CDC20B: variants seen among roughly 807,000 people sequenced by gnomAD.
The protein encoded by CDC20B is cell division cycle 20B, also known as cell division cycle protein 20 homolog B.
A neutral mutation model predicts 64.1 loss-of-function variants in CDC20B; 58 were observed. The observed-to-expected ratio is 0.90, with a 90% CI of 0.73 to 1.13. The LOEUF is 1.13. Among genes scored for constraint, CDC20B ranks in the 50% most tolerant of loss-of-function variants. CDC20B has a pLI of 0.00. For missense variants in CDC20B, 597 were observed against 633.0 expected, an observed-to-expected ratio of 0.94 and a Z score of 0.61; for synonymous variants, 243 against 230.6, an observed-to-expected ratio of 1.05 and a Z score of -0.49.
At chr5:55,140,643 G>C (rs1743304845) in intron 4 of CDC20B, among the ~76,000 whole-genome samples, 1 of 152,168 alleles carries the variant, frequency 6.6e-6, no homozygotes, top group Non-Finnish European at 1.5e-5. Context: ...CAACTCCATA[G>C]AGCAGGTATT....
chr5:55,169,239 G>A (rs190716557), intron 2 of CDC20B, among the ~76,000 whole-genome samples: 29 of 152,288 alleles, frequency 1.9e-4, no homozygotes, highest in East Asian at 1.4e-3. Flanking sequence ...AGTAAAATGC[G>A]TAAGAATCAA....
At chr5:55,117,271 C>T (rs1284640398) in intron 11 of CDC20B, among the ~76,000 whole-genome samples, 1 of 152,072 alleles carries the variant, frequency 6.6e-6, no homozygotes, top group Non-Finnish European at 1.5e-5. Context: ...CAAAAAAAAT[C>T]ATGACTATGG....
intron 2 of CDC20B, chr5:55,166,409 C>T (rs554269617): frequency 4.6e-5 from 7 of 152,320 alleles, no homozygotes; most frequent in African/African-American, 1.7e-4. Flanking sequence ...GGATTTTCTC[C>T]CCTTGCCCTT....
chr5:55,117,199 T>C (rs955622807), intron 11 of CDC20B, among the ~76,000 whole-genome samples: 8 of 152,146 alleles, frequency 5.3e-5, no homozygotes, highest in Non-Finnish European at 1.0e-4. Flanking sequence ...GTGGGAATAA[T>C]CATAAGTTAC....
chr5:55,128,307 T>A, intron 7 of CDC20B, 114 bp downstream of exon 7: 7 of 621,992 alleles, frequency 1.1e-5, no homozygotes, highest in African/African-American at 2.0e-5. Flanking sequence ...TTATTCCCCA[T>A]ACTTCAAGAG....
intron 2 of CDC20B, chr5:55,160,142 G>A: frequency 7.1e-7 from 1 of 1,404,296 alleles, no homozygotes; most frequent in Non-Finnish European, 1.0e-6. Context: ...TCAAGTTTCA[G>A]CTCCTCCTTG....
intron 5 of CDC20B, among the ~76,000 whole-genome samples, chr5:55,138,452 G>A (rs1743243354): frequency 1.3e-5 from 2 of 152,020 alleles, no homozygotes; most frequent in East Asian, 1.9e-4. Context: ...GACCCACCGC[G>A]CCTATACTAA....
At chr5:55,159,296 C>T (rs1034394033) in intron 2 of CDC20B, among the ~76,000 whole-genome samples, 29 of 152,300 alleles carry the variant, frequency 1.9e-4, no homozygotes, top group African/African-American at 7.0e-4. Flanking sequence ...GGATTACAGG[C>T]GTGAGCCACC....
At chr5:55,163,962 A>T in intron 2 of CDC20B, 2 of 962,632 alleles carry the variant, frequency 2.1e-6, no homozygotes, top group Non-Finnish European at 1.5e-6. Flanking sequence ...AGAACTTGAT[A>T]CTAAAGTTAT....
At chr5:55,115,961 G>C (rs936306772) in intron 11 of CDC20B, among the ~76,000 whole-genome samples, 4 of 152,074 alleles carry the variant, frequency 2.6e-5, no homozygotes, top group Non-Finnish European at 5.9e-5. Context: ...ATTGGCCCTG[G>C]GTGTGTTGGG....
At chr5:55,129,420 T>C (rs1742973753) in intron 6 of CDC20B, among the ~76,000 whole-genome samples, 1 of 152,144 alleles carries the variant, frequency 6.6e-6, no homozygotes, top group Non-Finnish European at 1.5e-5. Flanking sequence ...TTTCACACCT[T>C]TGCCCTGAGG....
chr5:55,160,354 T>C, intron 2 of CDC20B: 1 of 1,613,442 alleles, frequency 6.2e-7, no homozygotes, highest in African/African-American at 1.3e-5. Flanking sequence ...AAGTGAAGGA[T>C]GCAAAAGGAA....
rs754021604 is a variant in CDC20B, at chr5:55,146,665, C to T, written c.318G>A (p.Val106=). 1 of 1,614,140 alleles carries T rather than the reference C, an allele frequency of 6.2e-7. No individual in the cohort carries two copies. Among genetic ancestry groups the T allele is most frequent in the Non-Finnish European group, 8.5e-7 (1 of 1,180,028 alleles). The stretch of plus-strand genomic sequence containing the variant: ...TCTCTTTCTCAGGCGGTGTCTTCAG[C>T]ACTGATCCGGAAGCTTCTGGGAGGT... The part of the protein sequence containing the change: ...TTYLPEASGS[V]LKTPPEKETL... The change falls in exon 3 of 12, where the codon GTG becomes GTA. Residue 106 remains valine (V), a synonymous_variant. Coordinates refer to ENST00000381375, the MANE Select transcript of CDC20B (RefSeq NM_001170402.1).
intron 2 of CDC20B, chr5:55,160,227 C>T: frequency 1.2e-6 from 2 of 1,614,094 alleles, no homozygotes; most frequent in African/African-American, 1.3e-5. Context: ...CTAAAATGTT[C>T]CGGGCCCAGA....
rs1004235776 is a variant in CDC20B at position 55,120,026 on chromosome 5, C to T, written c.1342-108G>A. 3.9e-6 allele frequency: 3 copies of T among 778,274 alleles called. No individual in the cohort carries two copies. The African/African-American group carries it at 5.1e-5, about 13-fold the overall frequency. 48.2% of individuals were successfully genotyped at this position (778,274 alleles called of 1,614,324 possible). ...ACTGTCCATGACCCAACCTCCAGTACAGCTGGGGTAGGATGTTAAAGAAAT... is the reference window on the plus strand; with the variant it reads ...ACTGTCCATGACCCAACCTCCAGTATAGCTGGGGTAGGATGTTAAAGAAAT... On this transcript the variant is annotated intron_variant, in intron 10 of 11. Coordinates refer to ENST00000381375, the MANE Select transcript of CDC20B (RefSeq NM_001170402.1).
chr5:55,153,954 C>G (rs555467013), intron 2 of CDC20B, among the ~76,000 whole-genome samples: 1 of 152,088 alleles, frequency 6.6e-6, no homozygotes, highest in Non-Finnish European at 1.5e-5. Context: ...AAAATCAGTA[C>G]GATTTTAGGT....
At chr5:55,115,037 C>T (rs755045883) in intron 11 of CDC20B, among the ~76,000 whole-genome samples, 23 of 152,120 alleles carry the variant, frequency 1.5e-4, no homozygotes, top group Non-Finnish European at 3.2e-4. Context: ...CAGTGCTATG[C>T]TCCTGCCACA....
chr5:55,129,060 C>T (rs1271649587), intron 6 of CDC20B, among the ~76,000 whole-genome samples: 1 of 152,094 alleles, frequency 6.6e-6, no homozygotes, highest in Non-Finnish European at 1.5e-5. Flanking sequence ...TGTATGATAC[C>T]TACACGTTCT....
At chr5:55,117,880 C>T (rs1317107166) in intron 11 of CDC20B, among the ~76,000 whole-genome samples, 2 of 152,034 alleles carry the variant, frequency 1.3e-5, no homozygotes, top group Admixed American at 1.3e-4. Context: ...TTTGGGAGGC[C>T]GAGGTGGGTG....
Sources: gnomAD v4.1 joint callset for allele counts (sites outside exome capture counted in the v4.1 genomes callset) on GRCh38, gnomAD v4.1.1 for gene constraint, MANE v1.5 for transcripts, NCBI Gene and HGNC (gene_info 2026-07-23, HGNC 2026-07-21) for gene names.